The following TNR variants were observed in gnomAD, a reference collection of about 807,000 sequenced individuals.
The protein encoded by TNR is tenascin-R.
In TNR, 45 loss-of-function variants were observed where a neutral mutation model predicts 150.4. That is an observed-to-expected ratio of 0.30 (90% CI 0.24 to 0.38). The LOEUF (loss-of-function observed/expected upper bound fraction) is 0.38, where lower values mean the gene tolerates loss of function less well. Ranked by LOEUF, TNR falls within the 10% of genes least tolerant of loss-of-function variation. The pLI is 1.00. For synonymous variants in TNR, 687 were observed against 678.4 expected (o/e 1.01, Z -0.20); for missense variants, 1,544 against 1,759.1 (o/e 0.88, Z 2.19).
intron 1 of TNR, among the ~76,000 whole-genome samples, chr1:175,700,617 T>C (rs1571767123): frequency 6.6e-6 from 1 of 152,138 alleles, no homozygotes; most frequent in Admixed American, 6.5e-5. Flanking sequence ...CAGCCTCCAC[T>C]GTTAAAACAG....
At chr1:175,401,470 C>G (rs1653698684) in intron 4 of TNR, among the ~76,000 whole-genome samples, 2 of 151,896 alleles carry the variant, frequency 1.3e-5, no homozygotes. Context: ...TTAACTTCTG[C>G]TTGAATTTCA....
intron 9 of TNR, among the ~76,000 whole-genome samples, chr1:175,377,622 C>A (rs549150705): frequency 3.4e-4 from 52 of 152,114 alleles, no homozygotes; most frequent in African/African-American, 1.3e-3. Flanking sequence ...TTTAGGAGTG[C>A]GTCTGTCTGG....
At chr1:175,678,548 C>T (rs1291134448) in intron 1 of TNR, among the ~76,000 whole-genome samples, 2 of 152,198 alleles carry the variant, frequency 1.3e-5, no homozygotes, top group Non-Finnish European at 2.9e-5. Flanking sequence ...TGACTCCCTG[C>T]CCTGCCCACC....
chr1:175,625,142 C>T (rs529371163), intron 1 of TNR, among the ~76,000 whole-genome samples: 67 of 152,364 alleles, frequency 4.4e-4, no homozygotes, highest in African/African-American at 1.6e-3. Flanking sequence ...CCTTGAATAG[C>T]CACAAATTTG....
intron 2 of TNR, among the ~76,000 whole-genome samples, chr1:175,454,766 C>T (rs532843354): frequency 5.3e-5 from 8 of 152,160 alleles, no homozygotes; most frequent in Admixed American, 1.3e-4. Flanking sequence ...GCCACCATGC[C>T]GGTCTGGTTC....
chr1:175,496,431 G>A (rs1013105564), intron 2 of TNR, among the ~76,000 whole-genome samples: 1 of 152,186 alleles, frequency 6.6e-6, no homozygotes, highest in African/African-American at 2.4e-5. Flanking sequence ...AGTGCTGGCT[G>A]GCACGTACTC....
intron 14 of TNR, 76 bp downstream of exon 14, chr1:175,362,587 T>C: frequency 6.4e-7 from 1 of 1,561,670 alleles, no homozygotes; most frequent in Non-Finnish European, 8.7e-7. Context: ...CTCCAGAACC[T>C]TTCTACAAGC....
chr1:175,485,268 G>A (rs936258446), intron 2 of TNR, among the ~76,000 whole-genome samples: 29 of 152,312 alleles, frequency 1.9e-4, no homozygotes, highest in African/African-American at 5.5e-4. Flanking sequence ...AAGGGAGCAG[G>A]CACAAGAGAG....
At chr1:175,522,170 C>G (rs1001744245) in intron 2 of TNR, among the ~76,000 whole-genome samples, 1 of 152,190 alleles carries the variant, frequency 6.6e-6, no homozygotes. Flanking sequence ...CACTCGAAGC[C>G]ACTGCTTAAG....
intron 1 of TNR, among the ~76,000 whole-genome samples, chr1:175,733,625 G>T (rs975087063): frequency 6.6e-6 from 1 of 152,130 alleles, no homozygotes; most frequent in Non-Finnish European, 1.5e-5. Flanking sequence ...AATAACTCAG[G>T]CACAGTGCCT....
intron 21 of TNR, among the ~76,000 whole-genome samples, chr1:175,328,555 G>C (rs946843871): frequency 6.6e-6 from 1 of 152,220 alleles, no homozygotes; most frequent in African/African-American, 2.4e-5. Flanking sequence ...TGCCTAGAGG[G>C]GATGGCAGCC....
rs149983030 is a variant in TNR, at chr1:175,410,732, T to C, written c.-63-3955A>G. 2.6e-3 allele frequency among the ~76,000 whole-genome samples: 400 copies of C among 152,298 alleles called. 2 individuals are homozygous for C. The highest frequency in any genetic ancestry group is 0.014 in the Middle Eastern group (4 of 292). ...GGGAGACACCCTAGAGCTTTCTCTC[T>C]CTGGAGGTGACTGGCAGAGTTCAAG... On this transcript the variant is annotated intron_variant, in intron 2 of 22. Coordinates refer to ENST00000367674, the MANE Select transcript of TNR (RefSeq NM_003285.3).
chr1:175,394,001 G>C lies in TNR; in HGVS notation c.1241-106C>G, dbSNP rs556846994. 1.0e-5 allele frequency: 9 copies of C among 867,168 alleles called. No homozygotes were observed. The East Asian group carries it at 2.0e-4, about 19-fold the overall frequency. 53.7% of individuals were successfully genotyped at this position (867,168 alleles called of 1,614,324 possible). On this transcript the variant is annotated intron_variant, in intron 5 of 22. Coordinates refer to ENST00000367674, the MANE Select transcript of TNR (RefSeq NM_003285.3). ...ACTCCCTCCACGCCATGGGCGTGGT[G>C]GTGTCTGGTGGACAATCCCAATCTT...
At chr1:175,604,761 C>G (rs959217420) in intron 1 of TNR, among the ~76,000 whole-genome samples, 39 of 152,294 alleles carry the variant, frequency 2.6e-4, no homozygotes, top group African/African-American at 8.9e-4. Context: ...TGTGCACCTC[C>G]CATTTATGTG....
chr1:175,384,923 A>G (rs1342849265), intron 8 of TNR, among the ~76,000 whole-genome samples: 1 of 152,194 alleles, frequency 6.6e-6, no homozygotes, highest in Non-Finnish European at 1.5e-5. Context: ...ACCCAGCGGA[A>G]CACAGGGGTG....
intron 1 of TNR, among the ~76,000 whole-genome samples, chr1:175,566,750 T>A (rs1343869398): frequency 6.6e-6 from 1 of 152,224 alleles, no homozygotes; most frequent in Non-Finnish European, 1.5e-5. Flanking sequence ...CCCAGATTAA[T>A]CAACCTCACT....
intron 9 of TNR, among the ~76,000 whole-genome samples, chr1:175,367,658 T>C (rs1255404270): frequency 6.6e-6 from 1 of 152,078 alleles, no homozygotes; most frequent in East Asian, 1.9e-4. Flanking sequence ...AAATTGTGAA[T>C]TTCGGGAGTA....
chr1:175,618,907 CTG>C (rs61328905), intron 1 of TNR, among the ~76,000 whole-genome samples: 32,027 of 152,066 alleles, frequency 0.21, 3,505 homozygotes, highest in East Asian at 0.39. Flanking sequence ...TTTGAGAAGA[CTG>C]AGGATTTGGT....
At chr1:175,665,264 T>G (rs1665502183) in intron 1 of TNR, among the ~76,000 whole-genome samples, 1 of 152,216 alleles carries the variant, frequency 6.6e-6, no homozygotes, top group Non-Finnish European at 1.5e-5. Context: ...AAAGTGTCTT[T>G]GAGTCCTGGT....
Sources: allele counts gnomAD v4.1 joint callset (sites outside exome capture counted in the v4.1 genomes callset), GRCh38; gene constraint gnomAD v4.1.1; transcripts MANE v1.5; gene names NCBI Gene and HGNC (gene_info 2026-07-23, HGNC 2026-07-21).